KCTD8: variants seen among roughly 807,000 people sequenced by gnomAD.
KCTD8 encodes the protein BTB/POZ domain-containing protein KCTD8.
In KCTD8, 27 loss-of-function variants were observed where a neutral mutation model predicts 31.5. The ratio of observed to expected loss-of-function variants is 0.86; its 90% confidence interval spans 0.63 to 1.18. KCTD8 has a LOEUF of 1.18. Ranked by LOEUF, KCTD8 falls within the 50% of genes most tolerant of loss-of-function variation. The probability of loss-of-function intolerance (pLI) is 0.00; values close to 1 mark genes in which losing one functional copy is unlikely to be tolerated. For synonymous variants in KCTD8, 290 were observed against 280.0 expected (o/e 1.04, Z -0.36); for missense variants, 658 against 647.7 (o/e 1.02, Z -0.17).
At chr4:44,347,349 A>G (rs767006630) in intron 1 of KCTD8, among the ~76,000 whole-genome samples, 3 of 152,170 alleles carry the variant, frequency 2.0e-5, no homozygotes, top group East Asian at 1.9e-4. Flanking sequence ...AATATTACCA[A>G]TGTGGCACAA....
chr4:44,407,823 T>C (rs1362547983), intron 1 of KCTD8, among the ~76,000 whole-genome samples: 1 of 152,172 alleles, frequency 6.6e-6, no homozygotes, highest in African/African-American at 2.4e-5. Context: ...TAAATACCTA[T>C]ATTTATTATA....
intron 1 of KCTD8, among the ~76,000 whole-genome samples, chr4:44,190,308 G>A (rs968722736): frequency 1.3e-5 from 2 of 152,150 alleles, no homozygotes; most frequent in African/African-American, 2.4e-5. Context: ...CTTCATTCAA[G>A]TCAAATTGGA....
intron 1 of KCTD8, among the ~76,000 whole-genome samples, chr4:44,435,089 GA>G (rs1721610553): frequency 6.6e-6 from 1 of 151,932 alleles, no homozygotes; most frequent in Non-Finnish European, 1.5e-5. Flanking sequence ...ATGAAGAGTA[GA>G]ATAGCTTCTA....
intron 1 of KCTD8, among the ~76,000 whole-genome samples, chr4:44,202,170 G>T (rs1714169850): frequency 6.6e-6 from 1 of 152,132 alleles, no homozygotes. Flanking sequence ...GAGAAAAAGG[G>T]AATACGTGTA....
At chr4:44,252,111 T>C (rs1384018314) in intron 1 of KCTD8, among the ~76,000 whole-genome samples, 1 of 151,816 alleles carries the variant, frequency 6.6e-6, no homozygotes, top group African/African-American at 2.4e-5. Context: ...ACATACAATG[T>C]TTGGATTTCC....
chr4:44,312,744 T>A (rs975234066), intron 1 of KCTD8, among the ~76,000 whole-genome samples: 1 of 152,186 alleles, frequency 6.6e-6, no homozygotes, highest in Non-Finnish European at 1.5e-5. Context: ...CTTTTGTTTG[T>A]TGATATTTTA....
intron 1 of KCTD8, among the ~76,000 whole-genome samples, chr4:44,191,730 GA>G (rs1335078171): frequency 6.6e-6 from 1 of 152,112 alleles, no homozygotes; most frequent in Non-Finnish European, 1.5e-5. Context: ...CTCTGCTCTT[GA>G]ACCCTGTTTT....
At chr4:44,263,221 C>T (rs577694061) in intron 1 of KCTD8, among the ~76,000 whole-genome samples, 2 of 152,044 alleles carry the variant, frequency 1.3e-5, no homozygotes, top group Non-Finnish European at 2.9e-5. Flanking sequence ...TTTCTCTTTT[C>T]TAGTTAACAT....
chr4:44,219,772 G>T (rs1202707892), intron 1 of KCTD8, among the ~76,000 whole-genome samples: 1 of 152,236 alleles, frequency 6.6e-6, no homozygotes, highest in East Asian at 1.9e-4. Flanking sequence ...TATTTGTAAT[G>T]ATGGAAGCTA....
intron 1 of KCTD8, among the ~76,000 whole-genome samples, chr4:44,194,922 C>T (rs1314403164): frequency 2.0e-5 from 3 of 149,558 alleles, no homozygotes; most frequent in Non-Finnish European, 3.0e-5. Flanking sequence ...ATAGTGCAAT[C>T]TTGGCTCACT....
At chr4:44,183,348 G>A (rs1349376039) in intron 1 of KCTD8, among the ~76,000 whole-genome samples, 1 of 152,072 alleles carries the variant, frequency 6.6e-6, no homozygotes, top group Non-Finnish European at 1.5e-5. Context: ...ACATTTTTAT[G>A]TTCAAAAGGG....
At chr4:44,368,934 C>A (rs1165522647) in intron 1 of KCTD8, among the ~76,000 whole-genome samples, 1 of 152,212 alleles carries the variant, frequency 6.6e-6, no homozygotes, top group Non-Finnish European at 1.5e-5. Flanking sequence ...TTACACATGA[C>A]TGGACTTCAG....
chr4:44,430,093 G>C (rs1456110498), intron 1 of KCTD8, among the ~76,000 whole-genome samples: 4 of 151,734 alleles, frequency 2.6e-5, no homozygotes, highest in Admixed American at 2.0e-4. Flanking sequence ...AGAAGTCTTA[G>C]CAGAGAATCA....
At chr4:44,384,967 A>C (rs1457344181) in intron 1 of KCTD8, among the ~76,000 whole-genome samples, 1 of 150,930 alleles carries the variant, frequency 6.6e-6, no homozygotes, top group Non-Finnish European at 1.5e-5. Flanking sequence ...AAAATATAAT[A>C]GATGAGAAGA....
chr4:44,281,643 A>G (rs930282589), intron 1 of KCTD8, among the ~76,000 whole-genome samples: 1 of 152,136 alleles, frequency 6.6e-6, no homozygotes, highest in African/African-American at 2.4e-5. Flanking sequence ...ATGTTTTTCC[A>G]CTATCATTTA....
At chr4:44,282,902 G>C (rs1716938860) in intron 1 of KCTD8, among the ~76,000 whole-genome samples, 1 of 151,928 alleles carries the variant, frequency 6.6e-6, no homozygotes, top group South Asian at 2.1e-4. Flanking sequence ...TTTAAGGAAA[G>C]AAACTATTTC....
intron 1 of KCTD8, among the ~76,000 whole-genome samples, chr4:44,365,693 A>G (rs2109432934): frequency 6.6e-6 from 1 of 152,310 alleles, no homozygotes; most frequent in Non-Finnish European, 1.5e-5. Context: ...ATTACTGCAA[A>G]CTTTTTGGAG....
intron 1 of KCTD8, among the ~76,000 whole-genome samples, chr4:44,242,159 G>A (rs1421567721): frequency 6.6e-6 from 1 of 152,144 alleles, no homozygotes; most frequent in Non-Finnish European, 1.5e-5. Context: ...GGCTTACTAT[G>A]TACAAGATAC....
intron 1 of KCTD8, among the ~76,000 whole-genome samples, chr4:44,267,255 G>C (rs1337152490): frequency 9.9e-5 from 15 of 151,936 alleles, no homozygotes; most frequent in South Asian, 2.1e-4. Flanking sequence ...CAAAACCGCT[G>C]AACTACATGG....
Sources: gnomAD v4.1 joint callset for allele counts (sites outside exome capture counted in the v4.1 genomes callset) on GRCh38, gnomAD v4.1.1 for gene constraint, MANE v1.5 for transcripts, NCBI Gene and HGNC (gene_info 2026-07-23, HGNC 2026-07-21) for gene names.